The following RGS7 variants were observed in gnomAD, a reference collection of about 807,000 sequenced individuals.
RGS7 encodes the protein regulator of G protein signaling 7, also known as regulator of G-protein signaling 7.
In RGS7, 27 loss-of-function variants were observed where a neutral mutation model predicts 81.1. The ratio of observed to expected loss-of-function variants is 0.33; its 90% CI spans 0.25 to 0.46. RGS7 has a LOEUF of 0.46. RGS7 is among the 20% of genes least tolerant of loss of function. RGS7 has a pLI of 1.00. For synonymous variants in RGS7, 208 were observed against 207.7 expected (o/e 1.00, Z -0.01); for missense variants, 396 against 607.4 (o/e 0.65, Z 3.66).
At chr1:241,159,203 T>G (rs942504298) in intron 2 of RGS7, among the ~76,000 whole-genome samples, 2 of 152,252 alleles carry the variant, frequency 1.3e-5, no homozygotes, top group Non-Finnish European at 2.9e-5. Flanking sequence ...TTCTGCTTAT[T>G]CTGGCTTACA....
At chr1:241,261,244 C>T (rs929534845) in intron 2 of RGS7, among the ~76,000 whole-genome samples, 1 of 152,070 alleles carries the variant, frequency 6.6e-6, no homozygotes, top group Non-Finnish European at 1.5e-5. Context: ...GAAGCAGTAG[C>T]CTCGGAGTGT....
intron 3 of RGS7, among the ~76,000 whole-genome samples, chr1:241,032,884 G>C (rs2060146281): frequency 6.6e-6 from 1 of 152,144 alleles, no homozygotes; most frequent in South Asian, 2.1e-4. Context: ...TTTTGGAGGA[G>C]TCTTTAGGAT....
intron 9 of RGS7, among the ~76,000 whole-genome samples, chr1:240,851,743 C>T (rs1451514389): frequency 2.0e-5 from 3 of 151,962 alleles, no homozygotes; most frequent in Non-Finnish European, 4.4e-5. Flanking sequence ...TTGATCCCAG[C>T]CCTTAGGGAT....
chr1:241,327,234 C>T (rs988032816), intron 2 of RGS7, among the ~76,000 whole-genome samples: 6 of 151,920 alleles, frequency 3.9e-5, no homozygotes, highest in African/African-American at 1.2e-4. Flanking sequence ...GCCATGTAGG[C>T]CCTTATACTC....
chr1:240,965,122 T>C (rs941918505), intron 4 of RGS7, among the ~76,000 whole-genome samples: 1 of 152,234 alleles, frequency 6.6e-6, no homozygotes, highest in Admixed American at 6.5e-5. Context: ...AGAAAATGTT[T>C]ATGGCCCTAT....
chr1:240,998,752 T>G, intron 3 of RGS7: 1 of 790,004 alleles, frequency 1.3e-6, no homozygotes, highest in Non-Finnish European at 2.2e-6. Flanking sequence ...TCGTGCGGAA[T>G]GAGGGCCAGG....
chr1:240,778,889 G>A (rs886695278), intron 18 of RGS7, among the ~76,000 whole-genome samples: 15 of 152,074 alleles, frequency 9.9e-5, no homozygotes, highest in African/African-American at 2.7e-4. Flanking sequence ...CACTTTATGG[G>A]AGAAACAACA....
At chr1:240,888,055 G>C (rs541951903) in intron 6 of RGS7, among the ~76,000 whole-genome samples, 3 of 152,284 alleles carry the variant, frequency 2.0e-5, no homozygotes, top group South Asian at 4.1e-4. Flanking sequence ...TGGGAGTATA[G>C]ACAAAGCTTC....
Position 241,194,539 on chromosome 1 carries a change from A to G in RGS7, c.79-95777T>C, listed in dbSNP as rs577259260. ...TGGAATTTATTCCCTAAACTCAGTA[A>G]AGCCACTGACTTTCAGAAAATGAAT... On this transcript the variant is annotated intron_variant, in intron 2 of 18. Transcript: ENST00000440928. Among the ~76,000 whole-genome samples, 4 of 151,714 alleles carry G rather than the reference A, an allele frequency of 2.6e-5. No individual in the cohort carries two copies. The East Asian group carries it at 7.7e-4, about 29-fold the overall frequency.
intron 2 of RGS7, among the ~76,000 whole-genome samples, chr1:241,192,252 CGTGTGT>C (rs56677676): frequency 0.4 from 49,817 of 124,598 alleles, 10,267 homozygotes; most frequent in East Asian, 0.65. Flanking sequence ...TCTGTCTGCA[CGTGTGT>C]GTGTGTGTGT....
At chr1:241,018,615 T>C (rs2059387106) in intron 3 of RGS7, among the ~76,000 whole-genome samples, 1 of 152,100 alleles carries the variant, frequency 6.6e-6, no homozygotes, top group South Asian at 2.1e-4. Context: ...ATTGTTACTA[T>C]ACTGGAGGCT....
At chr1:241,296,651 A>G (rs2079443712) in intron 2 of RGS7, among the ~76,000 whole-genome samples, 1 of 152,190 alleles carries the variant, frequency 6.6e-6, no homozygotes. Context: ...ACAGCAACCA[A>G]CAGAGCAACT....
chr1:241,261,087 TAAAACAAAAC>T, intron 2 of RGS7, among the ~76,000 whole-genome samples: 1 of 151,204 alleles, frequency 6.6e-6, no homozygotes, highest in East Asian at 1.9e-4. Context: ...AAAAAAAAAT[TAAAACAAAAC>T]AAAACAAACA....
At chr1:240,898,403 T>G (rs1669442713) in intron 6 of RGS7, among the ~76,000 whole-genome samples, 1 of 152,226 alleles carries the variant, frequency 6.6e-6, no homozygotes, top group Non-Finnish European at 1.5e-5. Context: ...CTTTCCTGCT[T>G]TCTCTTGTGG....
intron 4 of RGS7, among the ~76,000 whole-genome samples, chr1:240,970,603 C>G (rs1013226099): frequency 6.6e-6 from 1 of 152,176 alleles, no homozygotes; most frequent in African/African-American, 2.4e-5. Context: ...CATCACAGAG[C>G]AACATGTGCA....
chr1:241,127,779 T>C (rs2066774972), intron 2 of RGS7, among the ~76,000 whole-genome samples: 1 of 152,208 alleles, frequency 6.6e-6, no homozygotes, highest in Admixed American at 6.5e-5. Context: ...TGACTACAAA[T>C]ATTAGTATAT....
At chr1:241,173,308 T>C (rs1002488147) in intron 2 of RGS7, among the ~76,000 whole-genome samples, 3 of 152,204 alleles carry the variant, frequency 2.0e-5, no homozygotes, top group Non-Finnish European at 4.4e-5. Flanking sequence ...CCTATACAAA[T>C]AAAGATGGCT....
chr1:241,190,657 T>G, intron 2 of RGS7, among the ~76,000 whole-genome samples: 1 of 152,220 alleles, frequency 6.6e-6, no homozygotes, highest in East Asian at 1.9e-4. Context: ...GATTTTTGTA[T>G]GTTTATCTTC....
intron 13 of RGS7, among the ~76,000 whole-genome samples, chr1:240,813,261 G>A (rs1690200260): frequency 2.0e-5 from 3 of 152,166 alleles, no homozygotes; most frequent in Admixed American, 2.0e-4. Flanking sequence ...AGTATGTATG[G>A]CTTTAGCATT....
Sources: gnomAD v4.1 joint callset for allele counts (sites outside exome capture counted in the v4.1 genomes callset) on GRCh38, gnomAD v4.1.1 for gene constraint, MANE v1.5 for transcripts, NCBI Gene and HGNC (gene_info 2026-07-23, HGNC 2026-07-21) for gene names.